PREX2: variants seen among roughly 807,000 people sequenced by gnomAD.
PREX2 encodes phosphatidylinositol-3,4,5-trisphosphate dependent Rac exchange factor 2.
PREX2 carries 107 observed loss-of-function variants against 203.2 expected under a neutral mutation model. The observed-to-expected ratio is 0.53, with a 90% CI of 0.45 to 0.62. PREX2 has a LOEUF of 0.62. Among genes scored for constraint, PREX2 ranks in the 20% least tolerant of loss-of-function variants. The pLI, the probability that PREX2 is intolerant of heterozygous loss-of-function variation, is 0.00. For missense variants in PREX2, 1,777 were observed against 1,955.9 expected, an observed-to-expected ratio of 0.91 and a Z score of 1.72; for synonymous variants, 672 against 663.6, an observed-to-expected ratio of 1.01 and a Z score of -0.19.
intron 33 of PREX2, among the ~76,000 whole-genome samples, chr8:68,140,688 T>C (rs1449575231): frequency 7.2e-6 from 1 of 139,796 alleles, no homozygotes. Flanking sequence ...ATTCTTATCT[T>C]TAAGCATGAG....
intron 1 of PREX2, among the ~76,000 whole-genome samples, chr8:68,008,433 C>T (rs888313041): frequency 5.5e-4 from 63 of 113,532 alleles, no homozygotes; most frequent in Non-Finnish European, 6.7e-4. Context: ...AATATTTGGT[C>T]ATGAGAGAAG....
intron 37 of PREX2, among the ~76,000 whole-genome samples, chr8:68,215,828 T>C (rs1046479407): frequency 8.5e-5 from 13 of 152,178 alleles, no homozygotes; most frequent in African/African-American, 2.9e-4. Flanking sequence ...TGAGCCACCG[T>C]GCCCGGCTGA....
At chr8:68,171,123 T>C (rs1811868086) in intron 35 of PREX2, among the ~76,000 whole-genome samples, 1 of 152,184 alleles carries the variant, frequency 6.6e-6, no homozygotes, top group Non-Finnish European at 1.5e-5. Context: ...GTGACAACTT[T>C]ATAATGAATT....
In PREX2 at chr8:68,078,124, A is replaced by G. The variant is rs1269228247; in HGVS notation, c.1642+655A>G. Among the ~76,000 whole-genome samples the G allele has an allele frequency of 2.6e-5, 4 of 152,138 alleles. No individual in the cohort carries two copies. In the East Asian group the frequency reaches 5.8e-4, roughly 22 times the overall value. On this transcript the variant is annotated intron_variant, in intron 15 of 39. Coordinates refer to ENST00000288368, the MANE Select transcript of PREX2 (RefSeq NM_024870.4). The stretch of plus-strand genomic sequence containing the variant: ...GCAAGCTTTTCCTGTTCGTAACATC[A>G]TATAGAATCCATAAACCCAAACAGT...
rs1807586790 is a variant in PREX2, at chr8:68,022,126, C to T, written c.427C>T (p.Arg143Trp). The change falls in exon 4 of 40, where the codon CGG (arginine) becomes TGG (tryptophan). Residue 143 changes from arginine (R) to tryptophan (W), a missense_variant. Physicochemically the swap from Arg to Trp is moderately radical, Grantham distance 101. Transcript: ENST00000288368. Reference protein sequence around the residue: ...LLELNKIRTIRTFLLNCMLLG... With the variant: ...LLELNKIRTIWTFLLNCMLLG... ...TGAACTCAACAAAATAAGAACAATC[C>T]GGACATTTCTTTTGGTAAGTGTATA... is the stretch of plus-strand genomic sequence containing the variant. 3 of 1,522,650 alleles carry T rather than the reference C, an allele frequency of 2.0e-6. No homozygotes were observed. The highest frequency in any genetic ancestry group is 2.3e-5 in the East Asian group (1 of 44,332). 94.3% of individuals were successfully genotyped at this position (1,522,650 alleles called of 1,614,324 possible). A position where few individuals can be genotyped will look rare whatever the true frequency, so the allele number is the denominator to read the frequency against.
intron 1 of PREX2, among the ~76,000 whole-genome samples, chr8:67,981,128 T>C (rs1725688850): frequency 6.6e-6 from 1 of 152,312 alleles, no homozygotes; most frequent in South Asian, 2.1e-4. Context: ...AAATACAGTG[T>C]CCTATAGTTC....
rs916484393 is a variant in PREX2 at position 68,099,267 on chromosome 8, T to C, written c.2554-415T>C. Among the ~76,000 whole-genome samples, 3 of 152,200 alleles carry C rather than the reference T, an allele frequency of 2.0e-5. No individual in the cohort carries two copies. In the East Asian group the frequency reaches 5.8e-4, roughly 29 times the overall value. On this transcript the variant is annotated intron_variant, in intron 22 of 39. Coordinates refer to ENST00000288368, the MANE Select transcript of PREX2 (RefSeq NM_024870.4). ...GACTCTAAGAAACAAGTAAGAATGA[T>C]ATTGGATTCCTTTATGTTTTTTTGT... is the stretch of plus-strand genomic sequence containing the variant.
chr8:68,170,433 C>T (rs1189390040), intron 35 of PREX2, among the ~76,000 whole-genome samples: 5 of 152,232 alleles, frequency 3.3e-5, no homozygotes, highest in East Asian at 1.9e-4. Context: ...CATTTTCCCC[C>T]GGTCTCCTGT....
intron 1 of PREX2, among the ~76,000 whole-genome samples, chr8:67,987,869 T>C (rs960148717): frequency 2.0e-5 from 3 of 151,908 alleles, no homozygotes; most frequent in Non-Finnish European, 2.9e-5. Context: ...CATCAGGTAT[T>C]TGTGGATGTG....
chr8:68,169,239 T>C (rs1811821010), intron 35 of PREX2, among the ~76,000 whole-genome samples: 1 of 152,038 alleles, frequency 6.6e-6, no homozygotes, highest in Admixed American at 6.5e-5. Flanking sequence ...AGAGCCCCAG[T>C]GAAGGACCTG....
At chr8:68,007,719 C>T (rs1376186698) in intron 1 of PREX2, among the ~76,000 whole-genome samples, 2 of 152,184 alleles carry the variant, frequency 1.3e-5, no homozygotes, top group East Asian at 3.9e-4. Flanking sequence ...ATACCATTCT[C>T]CTGCCTCAGC....
intron 15 of PREX2, among the ~76,000 whole-genome samples, chr8:68,078,618 T>A (rs1809421098): frequency 6.6e-6 from 1 of 152,208 alleles, no homozygotes; most frequent in Non-Finnish European, 1.5e-5. Context: ...GGTTATCATT[T>A]TTTTGGGGGA....
chr8:68,224,410 C>T, intron 38 of PREX2, 149 bp from the exon 39 acceptor site: 1 of 641,942 alleles, frequency 1.6e-6, no homozygotes, highest in Non-Finnish European at 2.7e-6. Flanking sequence ...TTTGAAAATG[C>T]TCAGACAGCG....
chr8:68,118,667 G>C lies in PREX2; in HGVS notation c.3421+23G>C, dbSNP rs374520840. The C allele has an allele frequency of 4.7e-4, 725 of 1,547,924 alleles. 1 individual carries two copies. The highest frequency in any genetic ancestry group is 5.8e-4 in the Non-Finnish European group (649 of 1,120,142). ...CAGGTGTGTTCGTTGGTGAAGGCCT[G>C]TGGGCTTTTTGATATTAGTCCTATA... is the stretch of plus-strand genomic sequence containing the variant. On this transcript the variant is annotated intron_variant, in intron 27 of 39. Coordinates refer to ENST00000288368, the MANE Select transcript of PREX2 (RefSeq NM_024870.4).
intron 37 of PREX2, among the ~76,000 whole-genome samples, chr8:68,208,602 A>AGAAAAGCAGAGGAAGAGGT (rs1322552257): frequency 6.6e-6 from 1 of 152,226 alleles, no homozygotes; most frequent in East Asian, 1.9e-4. Flanking sequence ...TGGGACCACG[A>AGAAAAGCAGAGGAAGAGGT]GAAAAGCAGA....
At chr8:68,207,294 G>A (rs1169383223) in intron 37 of PREX2, among the ~76,000 whole-genome samples, 1 of 152,098 alleles carries the variant, frequency 6.6e-6, no homozygotes, top group Non-Finnish European at 1.5e-5. Context: ...GAGAATCTGT[G>A]ATTTCTTTTT....
rs185217793 is a variant in PREX2 at position 68,185,006 on chromosome 8, A to T, written c.4347-6716A>T. On this transcript the variant is annotated intron_variant, in intron 35 of 39. Coordinates refer to ENST00000288368, the MANE Select transcript of PREX2 (RefSeq NM_024870.4). ...TATGTTAACTTACATAACTGTCTAAACCAATCTCAGCGTTCCTCAGACTCC... is the reference window on the plus strand; with the variant it reads ...TATGTTAACTTACATAACTGTCTAATCCAATCTCAGCGTTCCTCAGACTCC... Among the ~76,000 whole-genome samples, 11 of 152,224 alleles carry T rather than the reference A, an allele frequency of 7.2e-5. No individual in the cohort carries two copies. In the East Asian group the frequency reaches 2.1e-3, roughly 29 times the overall value.
At chr8:68,092,414 A>T (rs150197284) in intron 20 of PREX2, among the ~76,000 whole-genome samples, 1 of 152,200 alleles carries the variant, frequency 6.6e-6, no homozygotes, top group Non-Finnish European at 1.5e-5. Flanking sequence ...TAGATAATAC[A>T]TATTGTATCA....
intron 1 of PREX2, among the ~76,000 whole-genome samples, chr8:68,008,522 G>A (rs934550570): frequency 6.6e-6 from 1 of 152,132 alleles, no homozygotes; most frequent in Non-Finnish European, 1.5e-5. Context: ...GGATGATGGT[G>A]GACAATTTTA....
Sources: gnomAD v4.1 joint callset for allele counts (sites outside exome capture counted in the v4.1 genomes callset) on GRCh38, gnomAD v4.1.1 for gene constraint, MANE v1.5 for transcripts, NCBI Gene and HGNC (gene_info 2026-07-23, HGNC 2026-07-21) for gene names.